The following SRGAP1 variants were observed in gnomAD, a reference collection of about 807,000 sequenced individuals.
SRGAP1 encodes the protein SLIT-ROBO Rho GTPase-activating protein 1.
SRGAP1 carries 43 observed loss-of-function variants against 121.9 expected under a neutral mutation model. The observed-to-expected ratio is 0.35, with a 90% CI of 0.28 to 0.46. SRGAP1 has a LOEUF of 0.46. Among genes scored for constraint, SRGAP1 ranks in the 20% least tolerant of loss-of-function variants. The probability of loss-of-function intolerance (pLI) is 1.00; values close to 1 mark genes in which losing one functional copy is unlikely to be tolerated. For synonymous variants in SRGAP1, 447 were observed against 485.4 expected (o/e 0.92, Z 1.04); for missense variants, 1,102 against 1,350.9 (o/e 0.82, Z 2.89).
intron 1 of SRGAP1, among the ~76,000 whole-genome samples, chr12:63,848,474 C>G (rs554375269): frequency 1.2e-3 from 175 of 152,144 alleles, no homozygotes; most frequent in African/African-American, 4.2e-3. Context: ...GGGCAAGTCA[C>G]TTAGCCTTTC....
rs770735241 is a variant in SRGAP1, at chr12:64,127,687, T to C, written c.2503T>C (p.Ser835Pro). The C allele has an allele frequency of 9.1e-5, 147 of 1,613,942 alleles. No individual in the cohort carries two copies. The highest frequency in any genetic ancestry group is 1.2e-4 in the Non-Finnish European group (141 of 1,180,018). The change falls in exon 20 of 22, where the codon TCC becomes CCC. Residue 835 changes from serine to proline, a missense_variant. Physicochemically the swap from Ser to Pro is moderately conservative, Grantham distance 74 (BLOSUM62 -1). This residue lies in a region of SRGAP1 where 315 missense variants were observed against 343.1 expected (regional missense o/e 0.92). Transcript: ENST00000355086. ...CAAGTCCTCATCCAAGGACATGAAC[T>C]CCCCGACAGACCGTCATCCTGACGG... ...EDKSSSKDMN[S>P]PTDRHPDGYL...
chr12:64,131,779 C>T (rs1453821917), intron 21 of SRGAP1, among the ~76,000 whole-genome samples: 1 of 152,184 alleles, frequency 6.6e-6, no homozygotes, highest in East Asian at 1.9e-4. Context: ...AGAAAGCACC[C>T]AGTTCATAAT....
intron 1 of SRGAP1, among the ~76,000 whole-genome samples, chr12:63,893,088 G>A (rs1014844585): frequency 6.6e-6 from 1 of 152,182 alleles, no homozygotes; most frequent in Non-Finnish European, 1.5e-5. Flanking sequence ...ATTGCTACAT[G>A]AATCCAATCT....
At chr12:63,929,511 G>C (rs1690527269) in intron 1 of SRGAP1, among the ~76,000 whole-genome samples, 1 of 151,842 alleles carries the variant, frequency 6.6e-6, no homozygotes, top group Admixed American at 6.6e-5. Flanking sequence ...CCATTCCTGG[G>C]GTTTCTGATA....
At chr12:64,033,253 T>C (rs1400633198) in intron 4 of SRGAP1, among the ~76,000 whole-genome samples, 1 of 152,150 alleles carries the variant, frequency 6.6e-6, no homozygotes, top group Non-Finnish European at 1.5e-5. Context: ...GTGTCTTTTG[T>C]TCAAAGCATT....
chr12:63,951,895 G>T (rs771735685), intron 1 of SRGAP1, among the ~76,000 whole-genome samples: 1 of 152,114 alleles, frequency 6.6e-6, no homozygotes, highest in African/African-American at 2.4e-5. Context: ...TGCTTAGAAG[G>T]AATATACTTT....
chr12:64,056,882 T>C (rs1174925172), intron 6 of SRGAP1, among the ~76,000 whole-genome samples: 3 of 152,142 alleles, frequency 2.0e-5, no homozygotes, highest in Admixed American at 6.6e-5. Context: ...AGCTGCCCTA[T>C]ATAAAAGGAC....
Position 63,983,961 on chromosome 12 carries a change from C to T in SRGAP1, c.82C>T (p.Leu28=). The change falls in exon 2 of 22, where the codon CTG becomes TTG. Residue 28 remains leucine (L), a synonymous_variant. Coordinates refer to ENST00000355086, the MANE Select transcript of SRGAP1 (RefSeq NM_020762.4). Reference sequence around the variant, plus strand: ...TCTCTCCTTAGAAATTCGAGCTCAACTGGTAGAACAACAAAAATGCCTGGA... The same window carrying T: ...TCTCTCCTTAGAAATTCGAGCTCAATTGGTAGAACAACAAAAATGCCTGGA... ...ESQVKEIRAQ[L]VEQQKCLEQQ... 6.6e-7 allele frequency: 1 copy of T among 1,518,484 alleles called. No homozygotes were observed. The allele number at this position is 1,518,484 out of a possible 1,614,324, so 94.1% of individuals were successfully genotyped here.
intron 15 of SRGAP1, among the ~76,000 whole-genome samples, chr12:64,100,593 G>C (rs907309717): frequency 6.6e-6 from 1 of 152,138 alleles, no homozygotes; most frequent in African/African-American, 2.4e-5. Flanking sequence ...TTTCATAAAT[G>C]TTGAGTAGTC....
intron 1 of SRGAP1, among the ~76,000 whole-genome samples, chr12:63,910,376 C>T (rs1489154560): frequency 6.6e-6 from 1 of 152,166 alleles, no homozygotes; most frequent in African/African-American, 2.4e-5. Context: ...ACCTTCTGTT[C>T]TGGGTTTATT....
rs560042702 is a variant in SRGAP1 at position 64,149,090 on chromosome 12, A to ATATT, written c.*6424_*6427dup. The ATATT allele has an allele frequency of 3.9e-5, 6 of 152,344 alleles. No individual in the cohort carries two copies. The South Asian group carries it at 1.0e-3, about 26-fold the overall frequency. 9.4% of individuals were successfully genotyped at this position (152,344 alleles called of 1,614,324 possible). A position where few individuals can be genotyped will look rare whatever the true frequency, so the allele number is the denominator to read the frequency against. Reference sequence around the variant, plus strand: ...CCATTACATGAATATGCTCAATATTATATTTATTTTAGTATTTCCTGATTA... The same window carrying ATATT: ...CCATTACATGAATATGCTCAATATTATATTTATTTATTTTAGTATTTCCTGATTA... On this transcript the variant is annotated 3_prime_UTR_variant, in exon 22 of 22. Coordinates refer to ENST00000355086, the MANE Select transcript of SRGAP1 (RefSeq NM_020762.4).
intron 1 of SRGAP1, among the ~76,000 whole-genome samples, chr12:63,853,949 A>G (rs1899156909): frequency 6.6e-6 from 1 of 152,116 alleles, no homozygotes; most frequent in Non-Finnish European, 1.5e-5. Flanking sequence ...TCATTTATAT[A>G]CTTTGGTTTT....
intron 1 of SRGAP1, among the ~76,000 whole-genome samples, chr12:63,927,778 C>T (rs765849739): frequency 6.6e-6 from 1 of 151,980 alleles, no homozygotes; most frequent in African/African-American, 2.4e-5. Flanking sequence ...TGGTAATATA[C>T]CATAATGTTC....
chr12:63,972,873 G>A (rs2032995979), intron 1 of SRGAP1, among the ~76,000 whole-genome samples: 1 of 152,106 alleles, frequency 6.6e-6, no homozygotes, highest in South Asian at 2.1e-4. Flanking sequence ...AGAAGGCCAG[G>A]CATGGTGGCT....
chr12:64,088,357 G>A (rs1186308536), intron 11 of SRGAP1, among the ~76,000 whole-genome samples: 1 of 152,098 alleles, frequency 6.6e-6, no homozygotes, highest in Non-Finnish European at 1.5e-5. Flanking sequence ...TTTACCTGTT[G>A]TTTCTCAATT....
At chr12:63,991,313 T>C (rs2033551275) in intron 3 of SRGAP1, among the ~76,000 whole-genome samples, 1 of 152,162 alleles carries the variant, frequency 6.6e-6, no homozygotes, top group African/African-American at 2.4e-5. Flanking sequence ...AGAGGCTCCT[T>C]AAAACAAAGA....
chr12:63,927,288 T>C (rs980944382), intron 1 of SRGAP1, among the ~76,000 whole-genome samples: 3 of 152,184 alleles, frequency 2.0e-5, no homozygotes, highest in Admixed American at 6.5e-5. Flanking sequence ...CCTCAAACTT[T>C]ACAAGTGCAG....
At chr12:64,016,699 C>G (rs1224968625) in intron 3 of SRGAP1, among the ~76,000 whole-genome samples, 1 of 152,140 alleles carries the variant, frequency 6.6e-6, no homozygotes, top group East Asian at 1.9e-4. Context: ...CTTTTTCTCT[C>G]TTTTTGGTAA....
At chr12:63,916,127 G>A (rs2030767369) in intron 1 of SRGAP1, among the ~76,000 whole-genome samples, 1 of 147,696 alleles carries the variant, frequency 6.8e-6, no homozygotes, top group Non-Finnish European at 1.5e-5. Context: ...CTGCCTCCCA[G>A]GCTAGAGCGA....
Sources: allele counts gnomAD v4.1 joint callset (sites outside exome capture counted in the v4.1 genomes callset), GRCh38; gene constraint gnomAD v4.1.1; regional missense constraint gnomAD v4.1.1; transcripts MANE v1.5; gene names NCBI Gene and HGNC (gene_info 2026-07-23, HGNC 2026-07-21).